The following HECA variants were observed in gnomAD, a reference collection of about 807,000 sequenced individuals.
HECA encodes HECA ribonucleoprotein granule regulator.
In HECA, 13 loss-of-function variants were observed where a neutral mutation model predicts 37.6. The observed-to-expected ratio is 0.35, with a 90% CI of 0.23 to 0.55. The LOEUF is 0.55. Among genes scored for constraint, HECA ranks in the 20% least tolerant of loss-of-function variants. The probability of loss-of-function intolerance (pLI) is 0.90; values close to 1 mark genes in which losing one functional copy is unlikely to be tolerated. For missense variants in HECA, 527 were observed against 701.9 expected (o/e 0.75, Z 2.82); for synonymous variants, 307 against 291.5 (o/e 1.05, Z -0.54).
At position 139,166,828 on chromosome 6, in the gene HECA, C is replaced by T; in HGVS notation, c.816C>T (p.Ser272=). ...CCCCCGGTGGCTCCCCGGGCCAGTCCCCACCCACGGGCTACTCCATCCTCT... is the reference window on the plus strand; with the variant it reads ...CCCCCGGTGGCTCCCCGGGCCAGTCTCCACCCACGGGCTACTCCATCCTCT... The part of the protein sequence containing the change: ...ARSPGGSPGQ[S]PPTGYSILSP... The change falls in exon 2 of 4, where the codon TCC becomes TCT. Residue 272 remains serine (S), a synonymous_variant. Coordinates refer to ENST00000367658, the MANE Select transcript of HECA (RefSeq NM_016217.3). 1 of 1,613,722 alleles carries T rather than the reference C, an allele frequency of 6.2e-7. No individual in the cohort carries two copies. The highest frequency in any genetic ancestry group is 8.5e-7 in the Non-Finnish European group (1 of 1,179,954).
At chr6:139,150,763 A>G (rs1051483982) in intron 1 of HECA, among the ~76,000 whole-genome samples, 1 of 152,178 alleles carries the variant, frequency 6.6e-6, no homozygotes, top group Non-Finnish European at 1.5e-5. Flanking sequence ...CCATAAAATT[A>G]TATCTGTGTT....
intron 1 of HECA, among the ~76,000 whole-genome samples, chr6:139,137,466 CTTTCG>C (rs779453300): frequency 2.6e-5 from 4 of 152,066 alleles, no homozygotes; most frequent in Non-Finnish European, 5.9e-5. Flanking sequence ...ATGATGACAG[CTTTCG>C]TTTATTCATT....
At chr6:139,160,143 A>G (rs759230865) in intron 1 of HECA, among the ~76,000 whole-genome samples, 3 of 152,220 alleles carry the variant, frequency 2.0e-5, no homozygotes, top group Non-Finnish European at 4.4e-5. Context: ...ATTTTTGCCC[A>G]GAATCACATG....
At chr6:139,149,294 A>G (rs1774623935) in intron 1 of HECA, among the ~76,000 whole-genome samples, 1 of 152,164 alleles carries the variant, frequency 6.6e-6, no homozygotes, top group Non-Finnish European at 1.5e-5. Context: ...GTTATAGGTG[A>G]TCTGGCTCTG....
chr6:139,135,624 T>C lies in HECA; in HGVS notation c.228T>C (p.Ala76=), dbSNP rs185694700. ...GCGCGGGGACTGGCGCCGCGAACGCTGCGGCCGCCGCGGGGGCTGCGGCCG... is the reference window on the plus strand; with the variant it reads ...GCGCGGGGACTGGCGCCGCGAACGCCGCGGCCGCCGCGGGGGCTGCGGCCG... ...AGGAGTGAAN[A]AAAAGAAAAG... is the part of the protein sequence containing the mutation. The change falls in exon 1 of 4, where the codon GCT becomes GCC. Residue 76 remains alanine, a synonymous_variant. Transcript: ENST00000367658. 0.67 allele frequency: 643,148 copies of C among 960,640 alleles called. 218,504 individuals carry two copies. Among genetic ancestry groups the C allele is most frequent in the African/African-American group, 0.86 (47,734 of 55,452 alleles). 59.5% of individuals were successfully genotyped at this position (960,640 alleles called of 1,614,324 possible).
chr6:139,146,858 G>T lies in HECA; in HGVS notation c.271+11191G>T, dbSNP rs557967041. Among the ~76,000 whole-genome samples, 4 of 152,334 alleles carry T rather than the reference G, an allele frequency of 2.6e-5. No individual in the cohort carries two copies. The East Asian group carries it at 7.7e-4, about 29-fold the overall frequency. Reference sequence around the variant, plus strand: ...CTTTCTTTACCTCGGTAATGATACAGTTCCACTGTGTTAGGCATATAGTTT... The same window carrying T: ...CTTTCTTTACCTCGGTAATGATACATTTCCACTGTGTTAGGCATATAGTTT... On this transcript the variant is annotated intron_variant, in intron 1 of 3. Coordinates refer to ENST00000367658, the MANE Select transcript of HECA (RefSeq NM_016217.3).
rs1203420151 is a variant in HECA, at chr6:139,179,942, T to C, written c.*2837T>C. On this transcript the variant is annotated 3_prime_UTR_variant, in exon 4 of 4. Coordinates refer to ENST00000367658, the MANE Select transcript of HECA (RefSeq NM_016217.3). ...TTTAATTATTTATTTTTAAGAGTTTTATACCTTGAGCAGATACAATGATCT... is the reference window on the plus strand; with the variant it reads ...TTTAATTATTTATTTTTAAGAGTTTCATACCTTGAGCAGATACAATGATCT... 1.3e-5 allele frequency: 2 copies of C among 152,242 alleles called. No homozygotes were observed. The highest frequency in any genetic ancestry group is 4.8e-5 in the African/African-American group (2 of 41,462). The allele number at this position is 152,242 out of a possible 1,614,324, so 9.4% of individuals were successfully genotyped here.
At chr6:139,164,078 A>ACT (rs1334773429) in intron 1 of HECA, among the ~76,000 whole-genome samples, 2 of 78,638 alleles carry the variant, frequency 2.5e-5, no homozygotes, top group African/African-American at 6.8e-5. Context: ...ACACACACAC[A>ACT]CACTCTCTCT....
intron 1 of HECA, among the ~76,000 whole-genome samples, chr6:139,139,104 C>T (rs1774484477): frequency 6.6e-6 from 1 of 152,174 alleles, no homozygotes; most frequent in Non-Finnish European, 1.5e-5. Context: ...GACCATGGTT[C>T]ATCACTCCAC....
chr6:139,135,932 C>G (rs1373056507), intron 1 of HECA, among the ~76,000 whole-genome samples: 1 of 151,842 alleles, frequency 6.6e-6, no homozygotes, highest in Non-Finnish European at 1.5e-5. Flanking sequence ...GCGCTGCCCT[C>G]GGGCCCAGCC....
At chr6:139,162,244 T>C (rs937127613) in intron 1 of HECA, among the ~76,000 whole-genome samples, 6 of 151,974 alleles carry the variant, frequency 3.9e-5, no homozygotes, top group African/African-American at 1.5e-4. Flanking sequence ...GGAGTCAGGA[T>C]AGGGGGGCAA....
At chr6:139,137,759 C>A (rs1156936602) in intron 1 of HECA, among the ~76,000 whole-genome samples, 2 of 151,732 alleles carry the variant, frequency 1.3e-5, no homozygotes, top group Non-Finnish European at 2.9e-5. Context: ...CTTGTACCTC[C>A]TAGTTTGTAC....
At position 139,136,964 on chromosome 6, in the gene HECA, C is replaced by G. The variant is rs182695431; in HGVS notation, c.271+1297C>G. Among the ~76,000 whole-genome samples, 227 of 152,314 alleles carry G rather than the reference C, an allele frequency of 1.5e-3. 1 individual carries two copies. The highest frequency in any genetic ancestry group is 5.3e-3 in the African/African-American group (222 of 41,562). ...AGGCACTTTTTAAACAGGGCACCTG[C>G]TCTTACAAGCAGCGTACAGTGCTCT... On this transcript the variant is annotated intron_variant, in intron 1 of 3. Transcript: ENST00000367658.
At chr6:139,141,279 T>C (rs1330916165) in intron 1 of HECA, among the ~76,000 whole-genome samples, 1 of 152,226 alleles carries the variant, frequency 6.6e-6, no homozygotes, top group Non-Finnish European at 1.5e-5. Flanking sequence ...AAATTTTTTT[T>C]CTCACAAAAC....
intron 1 of HECA, among the ~76,000 whole-genome samples, chr6:139,163,676 C>T (rs536499431): frequency 6.6e-6 from 1 of 152,282 alleles, no homozygotes; most frequent in Admixed American, 6.5e-5. Flanking sequence ...ACATAATTCT[C>T]TCCTGACTTG....
chr6:139,149,851 G>A (rs1398958112), intron 1 of HECA, among the ~76,000 whole-genome samples: 1 of 152,186 alleles, frequency 6.6e-6, no homozygotes, highest in African/African-American at 2.4e-5. Flanking sequence ...TGTGAGCATA[G>A]CTGACTTTGG....
In HECA at chr6:139,140,727, A is replaced by G. The variant is rs566565911; in HGVS notation, c.271+5060A>G. ...AGCTATGAATAATTTAAAGAACTTG[A>G]AGGTACCAGAAGAGATTCTTTACAG... On this transcript the variant is annotated intron_variant, in intron 1 of 3. Transcript: ENST00000367658. 1.0e-3 allele frequency among the ~76,000 whole-genome samples: 156 copies of G among 152,368 alleles called. 1 individual carries two copies. The highest frequency in any genetic ancestry group is 1.8e-3 in the Non-Finnish European group (125 of 68,034).
intron 1 of HECA, among the ~76,000 whole-genome samples, chr6:139,160,738 T>C (rs949985017): frequency 6.6e-6 from 1 of 152,218 alleles, no homozygotes; most frequent in Non-Finnish European, 1.5e-5. Context: ...TCTAAACACC[T>C]GTATGGCATG....
intron 1 of HECA, among the ~76,000 whole-genome samples, chr6:139,155,910 T>C (rs1422046577): frequency 6.6e-6 from 1 of 152,204 alleles, no homozygotes; most frequent in Non-Finnish European, 1.5e-5. Flanking sequence ...AACAAGCATG[T>C]TTTCCCAAAT....
Sources: allele counts gnomAD v4.1 joint callset (sites outside exome capture counted in the v4.1 genomes callset), GRCh38; gene constraint gnomAD v4.1.1; transcripts MANE v1.5; gene names NCBI Gene and HGNC (gene_info 2026-07-23, HGNC 2026-07-21).